The following KIAA0825 variants were observed in gnomAD, a reference collection of about 807,000 sequenced individuals.
The protein encoded by KIAA0825 is uncharacterized protein KIAA0825.
KIAA0825 carries 119 observed loss-of-function variants against 147.6 expected under a neutral mutation model. The ratio of observed to expected loss-of-function variants is 0.81; its 90% CI spans 0.69 to 0.94. The LOEUF is 0.94. Among genes scored for constraint, KIAA0825 ranks in the 40% least tolerant of loss-of-function variants. The pLI, the probability that KIAA0825 is intolerant of heterozygous loss-of-function variation, is 0.00. For missense variants in KIAA0825, 1,381 were observed against 1,472.7 expected, an observed-to-expected ratio of 0.94 and a Z score of 1.02; for synonymous variants, 470 against 518.1, an observed-to-expected ratio of 0.91 and a Z score of 1.26.
At chr5:94,411,053 T>C (rs1752701588) in intron 15 of KIAA0825, among the ~76,000 whole-genome samples, 1 of 152,076 alleles carries the variant, frequency 6.6e-6, no homozygotes, top group South Asian at 2.1e-4. Context: ...ATAAAATGTA[T>C]GACAACAATA....
At chr5:94,442,460 A>T (rs944145685) in intron 13 of KIAA0825, among the ~76,000 whole-genome samples, 1 of 152,176 alleles carries the variant, frequency 6.6e-6, no homozygotes, top group Non-Finnish European at 1.5e-5. Context: ...CAAGTTTATC[A>T]GTTCTGAACA....
chr5:94,352,096 G>C (rs956266953), intron 20 of KIAA0825, among the ~76,000 whole-genome samples: 9 of 152,168 alleles, frequency 5.9e-5, no homozygotes, highest in Admixed American at 5.9e-4. Flanking sequence ...TTAAACTAAA[G>C]AGCTTTTGCA....
intron 3 of KIAA0825, among the ~76,000 whole-genome samples, chr5:94,531,404 C>T (rs1447726759): frequency 1.3e-5 from 2 of 152,162 alleles, no homozygotes; most frequent in Non-Finnish European, 2.9e-5. Context: ...TCCCACTTAC[C>T]ACCACCTCTA....
At chr5:94,298,554 C>T (rs1778246265) in intron 20 of KIAA0825, among the ~76,000 whole-genome samples, 1 of 152,136 alleles carries the variant, frequency 6.6e-6, no homozygotes, top group African/African-American at 2.4e-5. Flanking sequence ...TGAATTTGAA[C>T]TGCCATAGGG....
rs140638352 is a variant in KIAA0825, at chr5:94,560,863, C to T, written c.-2+21570G>A. Among the ~76,000 whole-genome samples the T allele has an allele frequency of 3.9e-3, 595 of 152,318 alleles. 1 individual carries two copies. Among genetic ancestry groups the T allele is most frequent in the Non-Finnish European group, 4.9e-3 (336 of 68,030 alleles). On this transcript the variant is annotated intron_variant, in intron 2 of 20. Coordinates refer to ENST00000682413, the MANE Select transcript of KIAA0825 (RefSeq NM_001145678.3). ...CGTGTACGCACACAGCACACACACA[C>T]GCACATATACACACATTTGGTTTTA... is the stretch of plus-strand genomic sequence containing the variant.
At chr5:94,331,746 T>A (rs951288420) in intron 20 of KIAA0825, among the ~76,000 whole-genome samples, 2 of 152,090 alleles carry the variant, frequency 1.3e-5, no homozygotes, top group African/African-American at 4.8e-5. Context: ...ACTCATTATA[T>A]TAACAAGTGA....
intron 20 of KIAA0825, among the ~76,000 whole-genome samples, chr5:94,190,728 T>C (rs1041664489): frequency 6.6e-6 from 1 of 152,008 alleles, no homozygotes; most frequent in Non-Finnish European, 1.5e-5. Flanking sequence ...TTTTCTCCTA[T>C]ACTATTTTGA....
intron 2 of KIAA0825, among the ~76,000 whole-genome samples, chr5:94,551,561 T>C (rs1775543146): frequency 6.6e-6 from 1 of 152,066 alleles, no homozygotes; most frequent in Non-Finnish European, 1.5e-5. Flanking sequence ...TGGGATAATA[T>C]ATTAAAAATA....
chr5:94,579,350 C>T (rs1244910160), intron 2 of KIAA0825, among the ~76,000 whole-genome samples: 3 of 152,128 alleles, frequency 2.0e-5, no homozygotes, highest in Non-Finnish European at 4.4e-5. Context: ...ATGGGATAAT[C>T]CATAGATAGT....
chr5:94,299,331 C>T (rs1302927278), intron 20 of KIAA0825, among the ~76,000 whole-genome samples: 1 of 152,032 alleles, frequency 6.6e-6, no homozygotes, highest in African/African-American at 2.4e-5. Flanking sequence ...ATCCTTCCAT[C>T]TCAGCCTCCT....
At chr5:94,183,483 A>G (rs777911973) in intron 20 of KIAA0825, among the ~76,000 whole-genome samples, 7 of 152,168 alleles carry the variant, frequency 4.6e-5, no homozygotes, top group Admixed American at 1.3e-4. Context: ...TGAGATGACT[A>G]CTGGCTGGGG....
At chr5:94,192,188 G>T (rs1770730395) in intron 20 of KIAA0825, among the ~76,000 whole-genome samples, 1 of 152,206 alleles carries the variant, frequency 6.6e-6, no homozygotes, top group Non-Finnish European at 1.5e-5. Context: ...TGACATCGCT[G>T]CCTCTTGTGT....
In KIAA0825 at chr5:94,391,597, A is replaced by T; in HGVS notation, c.3394T>A (p.Cys1132Ser). The change falls in exon 18 of 21, where the codon TGC becomes AGC. Residue 1132 changes from cysteine (C) to serine (S), a missense_variant. By Grantham distance (112) the Cys-to-Ser change is moderately radical. Coordinates refer to ENST00000682413, the MANE Select transcript of KIAA0825 (RefSeq NM_001145678.3). ...TACTCCCTGCCACCTGGTTTGTGGCAGAGATCCAGGACCATCGTGTTTATT... is the reference window on the plus strand; with the variant it reads ...TACTCCCTGCCACCTGGTTTGTGGCTGAGATCCAGGACCATCGTGTTTATT... ...QKINTMVLDL[C>S]HKPGGREYLR... 1 of 1,551,670 alleles carries T rather than the reference A, an allele frequency of 6.4e-7. No individual in the cohort carries two copies. Among genetic ancestry groups the T allele is most frequent in the Non-Finnish European group, 8.7e-7 (1 of 1,146,970 alleles).
chr5:94,266,019 T>C (rs1265437336), intron 20 of KIAA0825, among the ~76,000 whole-genome samples: 1 of 152,160 alleles, frequency 6.6e-6, no homozygotes, highest in Non-Finnish European at 1.5e-5. Context: ...TGTGACTGAG[T>C]GGAAGGCTGA....
At chr5:94,214,724 A>G (rs1028183737) in intron 20 of KIAA0825, among the ~76,000 whole-genome samples, 1 of 152,212 alleles carries the variant, frequency 6.6e-6, no homozygotes, top group Non-Finnish European at 1.5e-5. Flanking sequence ...CCTCAATTCA[A>G]TTGAAAGGCA....
intron 20 of KIAA0825, among the ~76,000 whole-genome samples, chr5:94,336,757 A>G (rs759390140): frequency 2.0e-5 from 3 of 152,136 alleles, no homozygotes; most frequent in Non-Finnish European, 4.4e-5. Context: ...AATGATTTAT[A>G]ATCCTTTGGG....
intron 2 of KIAA0825, among the ~76,000 whole-genome samples, chr5:94,563,050 AG>A (rs1777830227): frequency 6.6e-6 from 1 of 152,170 alleles, no homozygotes; most frequent in Non-Finnish European, 1.5e-5. Flanking sequence ...AGATTTTAAA[AG>A]GTGTTTTGAG....
At chr5:94,470,894 C>A (rs1238004952) in intron 9 of KIAA0825, among the ~76,000 whole-genome samples, 2 of 152,024 alleles carry the variant, frequency 1.3e-5, no homozygotes, top group Non-Finnish European at 2.9e-5. Flanking sequence ...ACAAGAAAGA[C>A]CATATGATAA....
chr5:94,252,636 C>T (rs562799837), intron 20 of KIAA0825, among the ~76,000 whole-genome samples: 27 of 152,058 alleles, frequency 1.8e-4, no homozygotes, highest in Non-Finnish European at 2.2e-4. Flanking sequence ...ATAGGATATA[C>T]AGATATGCCT....
Sources: gnomAD v4.1 joint callset for allele counts (sites outside exome capture counted in the v4.1 genomes callset) on GRCh38, gnomAD v4.1.1 for gene constraint, MANE v1.5 for transcripts, NCBI Gene and HGNC (gene_info 2026-07-23, HGNC 2026-07-21) for gene names.